The following SORCS2 variants were observed in gnomAD, a reference collection of about 807,000 sequenced individuals.
SORCS2 encodes the protein VPS10 domain-containing receptor SorCS2.
In SORCS2, 100 loss-of-function variants were observed where a neutral mutation model predicts 141.6. The ratio of observed to expected loss-of-function variants is 0.71; its 90% CI spans 0.60 to 0.83. The LOEUF (loss-of-function observed/expected upper bound fraction) is 0.83, where lower values mean the gene tolerates loss of function less well. Among genes scored for constraint, SORCS2 ranks in the 40% least tolerant of loss-of-function variants. The pLI is 0.00. For synonymous variants in SORCS2, 789 were observed against 676.9 expected, an observed-to-expected ratio of 1.17 and a Z score of -2.57; for missense variants, 1,646 against 1,560.2, an observed-to-expected ratio of 1.05 and a Z score of -0.93.
intron 4 of SORCS2, 93 bp downstream of exon 4, chr4:7,638,585 C>A: frequency 7.3e-7 from 1 of 1,367,698 alleles, no homozygotes; most frequent in Non-Finnish European, 9.8e-7. Context: ...AAGTGGGACC[C>A]GGAACCCCTG....
intron 14 of SORCS2, among the ~76,000 whole-genome samples, chr4:7,707,162 C>T (rs4689830): frequency 1.9e-3 from 290 of 151,646 alleles, no homozygotes; most frequent in African/African-American, 6.7e-3. Flanking sequence ...CTCTTCTGCT[C>T]TGCCATCATC....
At chr4:7,264,814 C>T (rs1157155800) in intron 1 of SORCS2, among the ~76,000 whole-genome samples, 1 of 152,188 alleles carries the variant, frequency 6.6e-6, no homozygotes, top group Non-Finnish European at 1.5e-5. Context: ...AGGGGAGATG[C>T]ACCCTCTCCG....
intron 1 of SORCS2, among the ~76,000 whole-genome samples, chr4:7,281,271 T>G (rs1464247383): frequency 6.6e-6 from 1 of 151,996 alleles, no homozygotes; most frequent in African/African-American, 2.4e-5. Context: ...GAGAAATCAT[T>G]CTCTCTCGGG....
In SORCS2 at chr4:7,661,488, C is replaced by T. The variant is rs769412554; in HGVS notation, c.888-12C>T. On this transcript the variant is annotated splice_polypyrimidine_tract_variant and intron_variant, in intron 5 of 26. Coordinates refer to ENST00000507866, the MANE Select transcript of SORCS2 (RefSeq NM_020777.3). The stretch of plus-strand genomic sequence containing the variant: ...TCCATTCCCGACCCCAGCCTCAGCT[C>T]TTCTTTTCCAGGTCTGTGTCTGGGG... 1.9e-6 allele frequency: 3 copies of T among 1,551,452 alleles called. No homozygotes were observed. The highest frequency in any genetic ancestry group is 2.4e-5 in the South Asian group (2 of 84,058).
At chr4:7,600,516 C>G (rs1342680108) in intron 3 of SORCS2, among the ~76,000 whole-genome samples, 4 of 152,128 alleles carry the variant, frequency 2.6e-5, no homozygotes, top group Non-Finnish European at 5.9e-5. Context: ...CAATCGGCTC[C>G]CAGTCCCGGC....
intron 2 of SORCS2, among the ~76,000 whole-genome samples, chr4:7,411,424 C>T (rs1049609530): frequency 2.0e-4 from 30 of 152,042 alleles, no homozygotes; most frequent in African/African-American, 7.0e-4. Flanking sequence ...TGTATCCATC[C>T]ACCTATCTGA....
At chr4:7,306,854 G>C (rs1717869931) in intron 1 of SORCS2, among the ~76,000 whole-genome samples, 2 of 152,230 alleles carry the variant, frequency 1.3e-5, no homozygotes, top group Non-Finnish European at 2.9e-5. Flanking sequence ...TGGGACGGCA[G>C]GCAGGCAGCG....
intron 1 of SORCS2, among the ~76,000 whole-genome samples, chr4:7,329,267 G>A (rs1003568078): frequency 1.2e-4 from 19 of 152,334 alleles, no homozygotes; most frequent in African/African-American, 4.1e-4. Flanking sequence ...GTCTGCCTAC[G>A]TGGACCCAGC....
intron 1 of SORCS2, among the ~76,000 whole-genome samples, chr4:7,293,609 G>C (rs903517219): frequency 2.0e-5 from 3 of 152,200 alleles, no homozygotes. Context: ...GAATGGTTTT[G>C]GGGAACTGGG....
At chr4:7,700,279 G>A (rs1270909167) in intron 12 of SORCS2, among the ~76,000 whole-genome samples, 4 of 152,324 alleles carry the variant, frequency 2.6e-5, no homozygotes, top group Middle Eastern at 3.4e-3. Context: ...TGAGCCCCTC[G>A]TCCTGTGGCA....
chr4:7,611,733 A>C (rs1034678548), intron 3 of SORCS2, among the ~76,000 whole-genome samples: 24 of 152,268 alleles, frequency 1.6e-4, no homozygotes, highest in Admixed American at 5.2e-4. Context: ...CCTCCATGGC[A>C]CATGAAAATG....
At chr4:7,717,097 A>C (rs151258114) in intron 17 of SORCS2, among the ~76,000 whole-genome samples, 7 of 152,214 alleles carry the variant, frequency 4.6e-5, no homozygotes, top group African/African-American at 1.2e-4. Context: ...GAGCTTCACA[A>C]GTAGCAAGCT....
intron 1 of SORCS2, among the ~76,000 whole-genome samples, chr4:7,347,299 C>G (rs937677457): frequency 1.3e-5 from 2 of 152,218 alleles, no homozygotes; most frequent in African/African-American, 4.8e-5. Flanking sequence ...TATTGTCCAC[C>G]TGTTTCTCTG....
chr4:7,380,116 G>T (rs190367677), intron 1 of SORCS2, among the ~76,000 whole-genome samples: 1 of 148,502 alleles, frequency 6.7e-6, no homozygotes, highest in Non-Finnish European at 1.5e-5. Context: ...CAGAAAGCCC[G>T]GAGATGGGTA....
chr4:7,401,098 AATGG>A (rs1724561408), intron 2 of SORCS2, among the ~76,000 whole-genome samples: 1 of 147,568 alleles, frequency 6.8e-6, no homozygotes, highest in African/African-American at 2.5e-5. Flanking sequence ...TGGATAGATG[AATGG>A]ATGGATAGAT....
At chr4:7,301,716 A>G (rs1162274659) in intron 1 of SORCS2, among the ~76,000 whole-genome samples, 2 of 152,256 alleles carry the variant, frequency 1.3e-5, no homozygotes, top group Admixed American at 1.3e-4. Context: ...ATTTCCTGAA[A>G]CTACCAAAAT....
rs551530055 is a variant in SORCS2 at position 7,303,500 on chromosome 4, A to C, written c.481-92788A>C. 1.2e-4 allele frequency among the ~76,000 whole-genome samples: 19 copies of C among 152,322 alleles called. No homozygotes were observed. In the South Asian group the frequency reaches 3.9e-3, roughly 32 times the overall value. On this transcript the variant is annotated intron_variant, in intron 1 of 26. Coordinates refer to ENST00000507866, the MANE Select transcript of SORCS2 (RefSeq NM_020777.3). ...ACTGACTTCATTTGACATGCAATCAAATTCTCCAGGTCAACTCTGGTTCTT... is the reference window on the plus strand; with the variant it reads ...ACTGACTTCATTTGACATGCAATCACATTCTCCAGGTCAACTCTGGTTCTT...
intron 2 of SORCS2, among the ~76,000 whole-genome samples, chr4:7,467,831 C>T (rs1729714421): frequency 1.3e-5 from 2 of 152,240 alleles, no homozygotes; most frequent in Admixed American, 6.5e-5. Flanking sequence ...TCCTCTGCAG[C>T]TTTCCTGGGT....
intron 3 of SORCS2, among the ~76,000 whole-genome samples, chr4:7,584,457 AACTTAG>A (rs1716396057): frequency 6.6e-6 from 1 of 152,222 alleles, no homozygotes. Flanking sequence ...TCTAGAAAGG[AACTTAG>A]ACACTCTCTA....
Sources: allele counts gnomAD v4.1 joint callset (sites outside exome capture counted in the v4.1 genomes callset), GRCh38; gene constraint gnomAD v4.1.1; transcripts MANE v1.5; gene names NCBI Gene and HGNC (gene_info 2026-07-23, HGNC 2026-07-21).